Variants in NRXN1 observed in about 807,000 individuals in gnomAD.
NRXN1 encodes the protein neurexin 1.
Under a neutral mutation model 150.9 loss-of-function variants are expected in NRXN1, and 39 were observed. The observed-to-expected ratio is 0.26, with a 90% confidence interval of 0.20 to 0.34. The LOEUF (loss-of-function observed/expected upper bound fraction) is 0.34. NRXN1 is among the 10% of genes least tolerant of loss of function. The pLI, the probability that NRXN1 is intolerant of heterozygous loss-of-function variation, is 1.00. For synonymous variants in NRXN1, 924 were observed against 757.0 expected, an observed-to-expected ratio of 1.22 and a Z score of -3.62; for missense variants, 1,815 against 1,949.9, an observed-to-expected ratio of 0.93 and a Z score of 1.30.
intron 17 of NRXN1, among the ~76,000 whole-genome samples, chr2:50,344,000 T>A (rs906370805): frequency 1.3e-5 from 2 of 152,210 alleles, no homozygotes; most frequent in Non-Finnish European, 2.9e-5. Flanking sequence ...TATGAATTTA[T>A]CATATTGTCA....
intron 15 of NRXN1, among the ~76,000 whole-genome samples, chr2:50,481,535 C>A (rs570631762): frequency 6.6e-6 from 1 of 152,186 alleles, no homozygotes; most frequent in Non-Finnish European, 1.5e-5. Context: ...ACAGCAGTTA[C>A]TTTTCAATTG....
chr2:50,057,658 C>G (rs930691476), intron 19 of NRXN1, among the ~76,000 whole-genome samples: 3 of 152,166 alleles, frequency 2.0e-5, no homozygotes, highest in African/African-American at 7.2e-5. Context: ...CTATTAATAT[C>G]TGTAGAATGA....
chr2:51,022,241 T>G (rs1669726678), intron 2 of NRXN1, among the ~76,000 whole-genome samples: 1 of 152,108 alleles, frequency 6.6e-6, no homozygotes, highest in Non-Finnish European at 1.5e-5. Flanking sequence ...GGCACTAATC[T>G]AAGAGATTCA....
At chr2:50,925,021 G>T (rs990399818) in intron 3 of NRXN1, among the ~76,000 whole-genome samples, 1 of 151,774 alleles carries the variant, frequency 6.6e-6, no homozygotes. Flanking sequence ...TATACTAAAT[G>T]CTGTCTTCCC....
At chr2:50,697,666 T>C (rs571946586) in intron 5 of NRXN1, among the ~76,000 whole-genome samples, 1 of 152,336 alleles carries the variant, frequency 6.6e-6, no homozygotes, top group African/African-American at 2.4e-5. Flanking sequence ...GTTTTGAAGA[T>C]GTGAATTAGA....
chr2:49,973,163 G>T (rs1162356740), intron 21 of NRXN1: 2 of 152,130 alleles, frequency 1.3e-5, no homozygotes, highest in Non-Finnish European at 2.9e-5. Context: ...CCTCCTCTAG[G>T]ATATAATTTC....
intron 5 of NRXN1, among the ~76,000 whole-genome samples, chr2:50,876,350 A>G (rs1678589001): frequency 6.6e-6 from 1 of 151,730 alleles, no homozygotes; most frequent in South Asian, 2.1e-4. Flanking sequence ...AAGTCACAAA[A>G]AATACTGTGG....
rs183520664 is a variant in NRXN1, at chr2:49,940,183, C to T, written c.4216+3521G>A. Among the ~76,000 whole-genome samples the T allele has an allele frequency of 1.1e-4, 17 of 152,138 alleles. No individual in the cohort carries two copies. In the East Asian group the frequency reaches 2.1e-3, roughly 19 times the overall value. Reference sequence around the variant, plus strand: ...TGAGGTACTCAGAAGATTTGGGCAACGCATCTATAAAGGTAATGGTGCATC... The same window carrying T: ...TGAGGTACTCAGAAGATTTGGGCAATGCATCTATAAAGGTAATGGTGCATC... On this transcript the variant is annotated intron_variant, in intron 22 of 22. Transcript: ENST00000401669.
intron 5 of NRXN1, among the ~76,000 whole-genome samples, chr2:50,866,683 G>A (rs1676983910): frequency 6.6e-6 from 1 of 151,914 alleles, no homozygotes; most frequent in Non-Finnish European, 1.5e-5. Flanking sequence ...GATAACACTG[G>A]TTAACAACGG....
At chr2:50,102,639 CAA>C (rs1386297169) in intron 18 of NRXN1, among the ~76,000 whole-genome samples, 1 of 151,910 alleles carries the variant, frequency 6.6e-6, no homozygotes, top group African/African-American at 2.4e-5. Flanking sequence ...TTCAAGAAGG[CAA>C]AGAGTAAGGA....
At chr2:49,986,217 A>G (rs1419566643) in intron 21 of NRXN1, among the ~76,000 whole-genome samples, 1 of 152,190 alleles carries the variant, frequency 6.6e-6, no homozygotes, top group African/African-American at 2.4e-5. Flanking sequence ...GCGATTCTCA[A>G]TTTTGGTCTT....
chr2:50,395,825 T>G (rs898747064), intron 17 of NRXN1, among the ~76,000 whole-genome samples: 5 of 152,112 alleles, frequency 3.3e-5, no homozygotes, highest in African/African-American at 1.2e-4. Context: ...GAAATTTGCA[T>G]CCTTGCCTTT....
intron 18 of NRXN1, among the ~76,000 whole-genome samples, chr2:50,214,748 A>G (rs1251308409): frequency 6.6e-6 from 1 of 152,016 alleles, no homozygotes; most frequent in Non-Finnish European, 1.5e-5. Flanking sequence ...TGACTATAAG[A>G]TAATGAAACT....
chr2:50,773,126 T>C (rs1703206288), intron 5 of NRXN1, among the ~76,000 whole-genome samples: 1 of 152,160 alleles, frequency 6.6e-6, no homozygotes, highest in Non-Finnish European at 1.5e-5. Context: ...TAATATTTCC[T>C]GTTTCTATAC....
chr2:50,278,259 ATATATTATATATGTATTAT>A, intron 17 of NRXN1, among the ~76,000 whole-genome samples: 1 of 103,084 alleles, frequency 9.7e-6, no homozygotes, highest in Non-Finnish European at 1.8e-5. Flanking sequence ...TATATATTAT[ATATATTATATATGTATTAT>A]ATATATAATA....
At chr2:50,833,625 G>A (rs1671706295) in intron 5 of NRXN1, among the ~76,000 whole-genome samples, 1 of 152,176 alleles carries the variant, frequency 6.6e-6, no homozygotes, top group Non-Finnish European at 1.5e-5. Flanking sequence ...AATGGTCAGT[G>A]GATGCCATGG....
intron 15 of NRXN1, among the ~76,000 whole-genome samples, chr2:50,491,257 T>A (rs2091236322): frequency 6.6e-6 from 1 of 152,108 alleles, no homozygotes; most frequent in Non-Finnish European, 1.5e-5. Context: ...TGAAAAGGTA[T>A]AAAATGGAGG....
At chr2:50,020,928 A>G (rs1264885024) in intron 21 of NRXN1, among the ~76,000 whole-genome samples, 1 of 152,206 alleles carries the variant, frequency 6.6e-6, no homozygotes, top group Non-Finnish European at 1.5e-5. Context: ...AAAAAGAAAC[A>G]TGCATTCAAA....
chr2:49,954,125 C>A (rs1197761844), intron 21 of NRXN1, among the ~76,000 whole-genome samples: 1 of 152,090 alleles, frequency 6.6e-6, no homozygotes, highest in African/African-American at 2.4e-5. Flanking sequence ...GTCCATTTAC[C>A]TGAATACATT....
Sources: gnomAD v4.1 joint callset for allele counts (sites outside exome capture counted in the v4.1 genomes callset) on GRCh38, gnomAD v4.1.1 for gene constraint, MANE v1.5 for transcripts, NCBI Gene and HGNC (gene_info 2026-07-23, HGNC 2026-07-21) for gene names.